ATP9B: variants seen among roughly 807,000 people sequenced by gnomAD.
ATP9B encodes ATPase phospholipid transporting 9B.
Under a neutral mutation model 146.1 loss-of-function variants are expected in ATP9B, and 110 were observed. The ratio of observed to expected loss-of-function variants is 0.75; its 90% CI spans 0.65 to 0.88. ATP9B has a LOEUF of 0.88. Among genes scored for constraint, ATP9B ranks in the 40% least tolerant of loss-of-function variants. The probability of loss-of-function intolerance (pLI) is 0.00; values close to 1 mark genes in which losing one functional copy is unlikely to be tolerated. For synonymous variants in ATP9B, 604 were observed against 569.7 expected, an observed-to-expected ratio of 1.06 and a Z score of -0.86; for missense variants, 1,499 against 1,496.4, an observed-to-expected ratio of 1.00 and a Z score of -0.03.
chr18:79,110,508 A>G lies in ATP9B; in HGVS notation c.444+3A>G. On this transcript the variant is annotated splice_donor_region_variant and intron_variant, in intron 3 of 29. Transcript: ENST00000426216. Reference sequence around the variant, plus strand: ...ATGTGTTTACCTTTATACCTGGGGTAAGACTATTGCATTCTTGGAGATGGG... The same window carrying G: ...ATGTGTTTACCTTTATACCTGGGGTGAGACTATTGCATTCTTGGAGATGGG... 1 of 1,601,984 alleles carries G rather than the reference A, an allele frequency of 6.2e-7. No homozygotes were observed.
chr18:79,365,965 A>C (rs1600421186), intron 26 of ATP9B, among the ~76,000 whole-genome samples: 1 of 152,260 alleles, frequency 6.6e-6, no homozygotes, highest in Admixed American at 6.5e-5. Context: ...CCTAGTGGAC[A>C]TGGCCAGCCT....
At chr18:79,370,817 G>A (rs1457082288) in intron 26 of ATP9B, among the ~76,000 whole-genome samples, 1 of 152,136 alleles carries the variant, frequency 6.6e-6, no homozygotes, top group Admixed American at 6.5e-5. Flanking sequence ...ACCAATCATT[G>A]ACCTACATGA....
At chr18:79,144,425 A>C (rs985120673) in intron 6 of ATP9B, 38 of 152,332 alleles carry the variant, frequency 2.5e-4, no homozygotes, top group African/African-American at 8.4e-4. Flanking sequence ...TTTGGGATGA[A>C]ACTGTTCCAC....
intron 13 of ATP9B, among the ~76,000 whole-genome samples, chr18:79,292,831 C>G (rs1188716088): frequency 6.6e-6 from 1 of 151,960 alleles, no homozygotes; most frequent in East Asian, 1.9e-4. Context: ...AATTGTGGGT[C>G]ACTGAAACCT....
At chr18:79,110,237 C>T (rs2075915053) in intron 2 of ATP9B, 118 bp from the exon 3 acceptor site, 3 of 930,538 alleles carry the variant, frequency 3.2e-6, no homozygotes, top group Non-Finnish European at 4.4e-6. Flanking sequence ...ATTAGGTGTG[C>T]TATTAGTGTG....
intron 27 of ATP9B, among the ~76,000 whole-genome samples, 193 bp from the exon 28 acceptor site, chr18:79,373,705 G>A (rs1055016967): frequency 2.5e-4 from 38 of 152,068 alleles, no homozygotes; most frequent in African/African-American, 8.0e-4. Flanking sequence ...TGGCCAGGCT[G>A]GTCTGGAACT....
chr18:79,098,385 A>T (rs1198273045), intron 2 of ATP9B, among the ~76,000 whole-genome samples: 1 of 147,426 alleles, frequency 6.8e-6, no homozygotes, highest in Admixed American at 6.8e-5. Context: ...GACAAATGGG[A>T]TCTAATTAAA....
intron 11 of ATP9B, among the ~76,000 whole-genome samples, chr18:79,222,530 C>T (rs1266010390): frequency 1.3e-5 from 2 of 152,156 alleles, no homozygotes; most frequent in African/African-American, 2.4e-5. Context: ...GACCTGAGGA[C>T]GCAACTTCCT....
Position 79,337,281 on chromosome 18 carries a change from C to G in ATP9B, c.2115C>G (p.Ser705Arg), listed in dbSNP as rs764671890. Reference sequence around the variant, plus strand: ...GGCGCCTCCCCCTCTGTCCCCAGAGCCGATACACTCAAGCCAAGCTGAGCA... The same window carrying G: ...GGCGCCTCCCCCTCTGTCCCCAGAGGCGATACACTCAAGCCAAGCTGAGCA... Reference protein sequence around the residue: ...LTEEQYQDFESRYTQAKLSMH... With the variant: ...LTEEQYQDFERRYTQAKLSMH... The change falls in exon 19 of 30, where the codon AGC becomes AGG. Residue 705 changes from serine to arginine, a missense_variant and splice_region_variant. Ser to Arg is a moderately radical substitution (Grantham distance 110, BLOSUM62 -1). Coordinates refer to ENST00000426216, the MANE Select transcript of ATP9B (RefSeq NM_198531.5). The G allele has an allele frequency of 1.9e-6, 3 of 1,613,876 alleles. No individual in the cohort carries two copies. Among genetic ancestry groups the G allele is most frequent in the Non-Finnish European group, 2.5e-6 (3 of 1,179,948 alleles).
chr18:79,359,298 C>A, intron 25 of ATP9B, 56 bp from the exon 26 acceptor site: 1 of 1,352,550 alleles, frequency 7.4e-7, no homozygotes, highest in Non-Finnish European at 1.1e-6. Flanking sequence ...AGGTCTGTTT[C>A]TAGCTGTGTG....
At chr18:79,186,965 C>A (rs553732237) in intron 8 of ATP9B, among the ~76,000 whole-genome samples, 1 of 152,292 alleles carries the variant, frequency 6.6e-6, no homozygotes, top group Admixed American at 6.5e-5. Context: ...TGACAGGTGT[C>A]CTCATGGGTC....
rs747313316 is a variant in ATP9B, at chr18:79,345,571, C to T, written c.2616C>T (p.Ile872=). The change falls in exon 22 of 30, where the codon ATC becomes ATT. Residue 872 remains isoleucine, a splice_region_variant and synonymous_variant. Transcript: ENST00000426216. ...QQHTGRRTCA[I]GDGGNDVSMI... ...ACACAGGGAGACGCACCTGCGCCAT[C>T]GGTGAGAGCCGCCCACCCTGCTCAC... 19 of 1,606,636 alleles carry T rather than the reference C, an allele frequency of 1.2e-5. No individual in the cohort carries two copies. Among genetic ancestry groups the T allele is most frequent in the East Asian group, 8.9e-5 (4 of 44,848 alleles).
chr18:79,338,328 C>T (rs1010849314), intron 19 of ATP9B, among the ~76,000 whole-genome samples: 1 of 152,158 alleles, frequency 6.6e-6, no homozygotes, highest in Non-Finnish European at 1.5e-5. Flanking sequence ...CTCCCTCTGG[C>T]TCTTTGTTCT....
chr18:79,234,625 G>C (rs2095823362), intron 11 of ATP9B, among the ~76,000 whole-genome samples: 1 of 150,308 alleles, frequency 6.7e-6, no homozygotes, highest in Non-Finnish European at 1.5e-5. Flanking sequence ...GGGCCTGCTT[G>C]CTGTGGGTGT....
intron 11 of ATP9B, among the ~76,000 whole-genome samples, chr18:79,245,446 C>A (rs754729495): frequency 1.3e-5 from 2 of 152,308 alleles, no homozygotes; most frequent in Non-Finnish European, 2.9e-5. Flanking sequence ...TAAATCTGTT[C>A]AGGATCTTGA....
chr18:79,370,465 A>G (rs138785941), intron 26 of ATP9B, among the ~76,000 whole-genome samples: 2 of 152,286 alleles, frequency 1.3e-5, no homozygotes, highest in East Asian at 3.9e-4. Context: ...CCTAAACCAA[A>G]TGAAGAGGTA....
Position 79,377,024 on chromosome 18 carries a change from G to T in ATP9B, c.3308-223G>T, listed in dbSNP as rs570509425. On this transcript the variant is annotated intron_variant, in intron 29 of 29. Coordinates refer to ENST00000426216, the MANE Select transcript of ATP9B (RefSeq NM_198531.5). ...CTGCAATCTATAATGCTTTGGTTTTGTTTTTTCCATTAAAAGAAGAATGAA... is the reference window on the plus strand; with the variant it reads ...CTGCAATCTATAATGCTTTGGTTTTTTTTTTTCCATTAAAAGAAGAATGAA... Among the ~76,000 whole-genome samples the T allele has an allele frequency of 3.3e-5, 5 of 152,262 alleles. No homozygotes were observed. In the South Asian group the frequency reaches 1.0e-3, roughly 32 times the overall value.
intron 9 of ATP9B, among the ~76,000 whole-genome samples, chr18:79,205,282 TAAAC>T (rs567195969): frequency 1.9e-3 from 288 of 152,358 alleles, no homozygotes; most frequent in African/African-American, 6.8e-3. Context: ...GCTTCACAAA[TAAAC>T]AAATCAAGTA....
chr18:79,228,791 G>A lies in ATP9B; in HGVS notation c.1107+14753G>A, dbSNP rs148639614. On this transcript the variant is annotated intron_variant, in intron 11 of 29. Transcript: ENST00000426216. ...TGTAATCCCACCACTTTGGGAAGTC[G>A]TGGCAGGCAGATCACTTGAGGCAAG... Among the ~76,000 whole-genome samples the A allele has an allele frequency of 6.6e-3, 1,003 of 152,248 alleles. 12 individuals carry two copies. Among genetic ancestry groups the A allele is most frequent in the African/African-American group, 0.023 (957 of 41,532 alleles).
Sources: allele counts gnomAD v4.1 joint callset (sites outside exome capture counted in the v4.1 genomes callset), GRCh38; gene constraint gnomAD v4.1.1; transcripts MANE v1.5; gene names NCBI Gene and HGNC (gene_info 2026-07-23, HGNC 2026-07-21).